The following TOP2B variants were observed in gnomAD, a reference collection of about 807,000 sequenced individuals.
TOP2B encodes DNA topoisomerase 2-beta.
TOP2B carries 51 observed loss-of-function variants against 193.5 expected under a neutral mutation model. The observed-to-expected ratio is 0.26, with a 90% CI of 0.21 to 0.33. The LOEUF (loss-of-function observed/expected upper bound fraction) is 0.33, where lower values mean the gene tolerates loss of function less well. Among genes scored for constraint, TOP2B ranks in the 10% least tolerant of loss-of-function variants. The pLI, the probability that TOP2B is intolerant of heterozygous loss-of-function variation, is 1.00. For missense variants in TOP2B, 1,378 were observed against 1,909.3 expected (o/e 0.72, Z 5.19); for synonymous variants, 634 against 635.7 (o/e 1.00, Z 0.04).
At chr3:25,616,810 TG>T (rs1219115226) in intron 25 of TOP2B, among the ~76,000 whole-genome samples, 7 of 151,968 alleles carry the variant, frequency 4.6e-5, no homozygotes, top group Non-Finnish European at 1.0e-4. Flanking sequence ...CCCAAAGTAT[TG>T]TTAAGAAGTG....
At chr3:25,634,830 C>CCT (rs1232300867) in intron 7 of TOP2B, among the ~76,000 whole-genome samples, 2 of 146,732 alleles carry the variant, frequency 1.4e-5, no homozygotes, top group African/African-American at 2.5e-5. Flanking sequence ...GGGCAGGAAA[C>CCT]CTCAAGGACA....
chr3:25,606,112 G>A lies in TOP2B; in HGVS notation c.4309C>T (p.His1437Tyr). Residue 1437 changes from histidine (H) to tyrosine (Y), a missense_variant, in exon 32 of 36, where the codon CAT becomes TAT. Physicochemically the swap from His to Tyr is moderately conservative, Grantham distance 83. This residue lies in a region of TOP2B where 556 missense variants were observed against 584.2 expected (regional missense o/e 0.95). Coordinates refer to ENST00000264331, the MANE Select transcript of TOP2B (RefSeq NM_001330700.2). The part of the protein sequence containing the change: ...KSKATPEKSL[H>Y]DKKSQDFGNL... ...CCAAAATCCTGACTTTTTTTGTCAT[G>A]CAAAGATTTTCTATTAGAAAGAAAA... is the stretch of plus-strand genomic sequence containing the variant. The A allele has an allele frequency of 6.7e-7, 1 of 1,484,400 alleles. No homozygotes were observed. The highest frequency in any genetic ancestry group is 9.1e-7 in the Non-Finnish European group (1 of 1,101,900). 92.0% of individuals were successfully genotyped at this position (1,484,400 alleles called of 1,614,324 possible).
chr3:25,643,159 T>C (rs1052027824), intron 3 of TOP2B, among the ~76,000 whole-genome samples: 3 of 152,172 alleles, frequency 2.0e-5, no homozygotes, highest in Non-Finnish European at 2.9e-5. Context: ...TTCTAGAGTG[T>C]CCTTGGTTAA....
intron 34 of TOP2B, 134 bp downstream of exon 34, chr3:25,600,964 GAC>G (rs551315220): frequency 1.7e-5 from 14 of 839,014 alleles, no homozygotes; most frequent in Non-Finnish European, 2.5e-5. Context: ...CTGATTCCTA[GAC>G]ACACTGCTTA....
intron 21 of TOP2B, among the ~76,000 whole-genome samples, chr3:25,622,717 C>T (rs376629498): frequency 4.6e-5 from 7 of 151,608 alleles, no homozygotes; most frequent in South Asian, 4.2e-4. Flanking sequence ...CTCGGCTCAC[C>T]GCAACCTCCA....
chr3:25,630,651 A>G, intron 11 of TOP2B, 150 bp downstream of exon 11: 2 of 853,370 alleles, frequency 2.3e-6, no homozygotes, highest in South Asian at 4.8e-5. Flanking sequence ...GAAAATTAGT[A>G]ATATGTTGTG....
chr3:25,649,632 A>G (rs975309071), intron 1 of TOP2B, among the ~76,000 whole-genome samples: 3 of 151,816 alleles, frequency 2.0e-5, no homozygotes, highest in African/African-American at 7.3e-5. Context: ...AACACTGCCA[A>G]CCAAGAACAT....
chr3:25,659,332 G>T (rs1304323223), intron 1 of TOP2B, among the ~76,000 whole-genome samples: 1 of 152,170 alleles, frequency 6.6e-6, no homozygotes, highest in Non-Finnish European at 1.5e-5. Flanking sequence ...AGAGATAAGA[G>T]ATACTTAAGA....
intron 21 of TOP2B, 54 bp from the exon 22 acceptor site, chr3:25,620,870 G>C: frequency 6.4e-7 from 1 of 1,570,170 alleles, no homozygotes; most frequent in Non-Finnish European, 8.7e-7. Context: ...CCAGTACCAT[G>C]AGTCTATGGT....
intron 34 of TOP2B, among the ~76,000 whole-genome samples, chr3:25,599,756 C>T (rs1054588946): frequency 3.9e-5 from 6 of 152,106 alleles, no homozygotes; most frequent in African/African-American, 1.4e-4. Context: ...GGGAAAGTCC[C>T]AAAGACAAAT....
chr3:25,626,717 T>C (rs955697338), intron 17 of TOP2B, 43 bp from the exon 18 acceptor site: 10 of 1,525,082 alleles, frequency 6.6e-6, no homozygotes, highest in Non-Finnish European at 9.0e-6. Flanking sequence ...TATTACTGCA[T>C]GAATTCTAGT....
intron 1 of TOP2B, among the ~76,000 whole-genome samples, chr3:25,649,785 T>A (rs866784092): frequency 6.6e-6 from 1 of 151,858 alleles, no homozygotes; most frequent in Non-Finnish European, 1.5e-5. Flanking sequence ...GGATAAAAAA[T>A]AGCAACACAG....
rs1010623532 is a variant in TOP2B, at chr3:25,630,566, GAA to G, written c.1406-99_1406-98del. 3.5e-5 allele frequency: 36 copies of G among 1,030,350 alleles called. No homozygotes were observed. The African/African-American group carries it at 5.3e-4, about 15-fold the overall frequency. 63.8% of individuals were successfully genotyped at this position (1,030,350 alleles called of 1,614,324 possible). On this transcript the variant is annotated intron_variant, in intron 11 of 35. Transcript: ENST00000264331. ...AAATTAACATTAGAATGCTGACAGT[GAA>G]AGACTATAAAAGTTATTTTACATTA...
intron 1 of TOP2B, among the ~76,000 whole-genome samples, chr3:25,656,811 C>G (rs1703758674): frequency 6.6e-6 from 1 of 152,136 alleles, no homozygotes; most frequent in Admixed American, 6.5e-5. Context: ...TTTATCTTTT[C>G]TACACCTTTT....
chr3:25,651,201 T>TA (rs1449509227), intron 1 of TOP2B, among the ~76,000 whole-genome samples: 4 of 151,886 alleles, frequency 2.6e-5, no homozygotes, highest in Non-Finnish European at 5.9e-5. Flanking sequence ...TTTTAAAGCA[T>TA]AAAAAATAAT....
rs1262700878 is a variant in TOP2B at position 25,626,759 on chromosome 3, C to CT, written c.2109+12dup. ...CTCCTTCTTTCCCCAGGTCACCACT[C>CT]TTTAAGACTAACCTCTGGTAAGCCA... On this transcript the variant is annotated intron_variant, in intron 17 of 35. Transcript: ENST00000264331. 6.3e-7 allele frequency: 1 copy of CT among 1,596,592 alleles called. No homozygotes were observed. Among genetic ancestry groups the CT allele is most frequent in the Admixed American group, 1.7e-5 (1 of 59,096 alleles).
intron 35 of TOP2B, among the ~76,000 whole-genome samples, chr3:25,599,173 T>A (rs1702020147): frequency 6.6e-6 from 1 of 152,168 alleles, no homozygotes; most frequent in South Asian, 2.1e-4. Context: ...GAGTCTAATA[T>A]TTAGGTAGCA....
At chr3:25,647,451 T>C (rs1703441051) in intron 1 of TOP2B, among the ~76,000 whole-genome samples, 1 of 152,108 alleles carries the variant, frequency 6.6e-6, no homozygotes, top group African/African-American at 2.4e-5. Context: ...GACATAAAGG[T>C]TGAAGACACA....
rs545252939 is a variant in TOP2B at position 25,623,375 on chromosome 3, T to C, written c.2727+140A>G. On this transcript the variant is annotated intron_variant, in intron 21 of 35. Transcript: ENST00000264331. ...TTATACTTTTTACTGTAGGCACATATCAAATTATACCCTAATTAGGTCTTT... is the reference window on the plus strand; with the variant it reads ...TTATACTTTTTACTGTAGGCACATACCAAATTATACCCTAATTAGGTCTTT... 8.6e-5 allele frequency: 64 copies of C among 747,832 alleles called. No individual in the cohort carries two copies. The African/African-American group carries it at 1.0e-3, about 12-fold the overall frequency. The allele number at this position is 747,832 out of a possible 1,614,324, so 46.3% of individuals were successfully genotyped here. A position where few individuals can be genotyped will look rare whatever the true frequency, so the allele number is the denominator to read the frequency against.
Sources: allele counts gnomAD v4.1 joint callset (sites outside exome capture counted in the v4.1 genomes callset), GRCh38; gene constraint gnomAD v4.1.1; regional missense constraint gnomAD v4.1.1; transcripts MANE v1.5; gene names NCBI Gene and HGNC (gene_info 2026-07-23, HGNC 2026-07-21).